PKD1: variants seen among roughly 807,000 people sequenced by gnomAD.
The protein encoded by PKD1 is polycystin 1, transient receptor potential channel interacting, also known as polycystin-1.
A neutral mutation model predicts 361.7 loss-of-function variants in PKD1; 81 were observed. The observed-to-expected ratio is 0.22, with a 90% confidence interval of 0.19 to 0.27. The LOEUF (loss-of-function observed/expected upper bound fraction) is 0.27, where lower values mean the gene tolerates loss of function less well. PKD1 is among the 10% of genes least tolerant of loss of function. PKD1 has a pLI of 1.00. For synonymous variants in PKD1, 3,615 were observed against 2,818.3 expected (o/e 1.28, Z -8.95); for missense variants, 6,399 against 6,118.3 (o/e 1.05, Z -1.53).
chr16:2,099,413 G>A lies in PKD1; in HGVS notation c.10050+231C>T, dbSNP rs1256468544. The A allele has an allele frequency of 1.1e-5, 7 of 616,752 alleles. No individual in the cohort carries two copies. The Admixed American group carries it at 1.6e-4, about 14-fold the overall frequency. 38.2% of individuals were successfully genotyped at this position (616,752 alleles called of 1,614,324 possible). Reference sequence around the variant, plus strand: ...GGCGTGCTGCTGTGCAGTCGTCCGTGGCGTCTGCTTAGCAAAGTGCCCTCG... The same window carrying A: ...GGCGTGCTGCTGTGCAGTCGTCCGTAGCGTCTGCTTAGCAAAGTGCCCTCG... On this transcript the variant is annotated intron_variant, in intron 30 of 45. Coordinates refer to ENST00000262304, the MANE Select transcript of PKD1 (RefSeq NM_001009944.3).
rs1023860765 is a variant in PKD1, at chr16:2,093,484, G to C, written c.11016+60C>G. 3.3e-5 allele frequency: 48 copies of C among 1,459,776 alleles called. No individual in the cohort carries two copies. The African/African-American group carries it at 6.9e-4, about 21-fold the overall frequency. The allele number at this position is 1,459,776 out of a possible 1,614,324, so 90.4% of individuals were successfully genotyped here. On this transcript the variant is annotated intron_variant, in intron 37 of 45. Transcript: ENST00000262304. Reference sequence around the variant, plus strand: ...GGGACAGGAGTGTCCTGCGTGCATGGGTGGGAGGTGGGAGACAAGAGACGG... The same window carrying C: ...GGGACAGGAGTGTCCTGCGTGCATGCGTGGGAGGTGGGAGACAAGAGACGG...
Position 2,114,213 on chromosome 16 carries a change from G to A in PKD1, c.2810C>T (p.Ala937Val), listed in dbSNP as rs2092590171. 2 of 1,609,650 alleles carry A rather than the reference G, an allele frequency of 1.2e-6. No homozygotes were observed. Among genetic ancestry groups the A allele is most frequent in the East Asian group, 4.5e-5 (2 of 44,872 alleles). ...TACACGGGCCTCGGGGCTGGGCGTG[G>A]CGCGGAGGCCACAGATGGGCTCCTC... ...TAEEPICGLR[A>V]TPSPEARVLQ... The change falls in exon 11 of 46, where the codon GCC becomes GTC. Residue 937 changes from alanine to valine, a missense_variant. Physicochemically the swap from Ala to Val is moderately conservative, Grantham distance 64. Coordinates refer to ENST00000262304, the MANE Select transcript of PKD1 (RefSeq NM_001009944.3).
At position 2,110,907 on chromosome 16, in the gene PKD1, T is replaced by C; in HGVS notation, c.4260A>G (p.Glu1420=). ...GGCCCCTGGCACGGGTGGGGGCGGC[T>C]TCCTCGGTGCCAAAGTCCCAGGTGT... is the stretch of plus-strand genomic sequence containing the variant. ...YRYTWDFGTE[E]AAPTRARGPE... is the part of the protein sequence containing the mutation. The change falls in exon 15 of 46, where the codon GAA becomes GAG. Residue 1420 remains glutamate (E), a synonymous_variant. Coordinates refer to ENST00000262304, the MANE Select transcript of PKD1 (RefSeq NM_001009944.3). 1 of 1,611,298 alleles carries C rather than the reference T, an allele frequency of 6.2e-7. No individual in the cohort carries two copies. Among genetic ancestry groups the C allele is most frequent in the Non-Finnish European group, 8.5e-7 (1 of 1,179,832 alleles).
intron 34 of PKD1, among the ~76,000 whole-genome samples, chr16:2,096,517 G>A (rs1468064144): frequency 6.6e-6 from 1 of 151,484 alleles, no homozygotes; most frequent in African/African-American, 2.4e-5. Context: ...AGAAATTGAG[G>A]AATTTTTTTG....
intron 20 of PKD1, 135 bp from the exon 21 acceptor site, chr16:2,105,609 G>C: frequency 2.5e-6 from 4 of 1,575,744 alleles, no homozygotes; most frequent in Non-Finnish European, 3.4e-6. Flanking sequence ...ACAACACTGA[G>C]CTGTTTCTTC....
intron 6 of PKD1, 141 bp downstream of exon 6, chr16:2,117,348 C>CCCCACCGG (rs2092655141): frequency 1.5e-6 from 1 of 646,424 alleles, no homozygotes; most frequent in Admixed American, 2.9e-5. Context: ...ACAGGAACGG[C>CCCCACCGG]CCCACCGGCC....
rs754412728 is a variant in PKD1 at position 2,118,030 on chromosome 16, G to A, written c.962C>T (p.Ala321Val). The change falls in exon 5 of 46, where the codon GCC becomes GTC. Residue 321 changes from alanine to valine, a missense_variant. Ala to Val is a moderately conservative substitution (Grantham distance 64, BLOSUM62 0). Transcript: ENST00000262304. This position sits in a 1 kb window ranked among gnomAD's most constrained non-coding sequence, Gnocchi z 6.0. ...SAEVDAAGPA[A>V]SHRYVLPGRY... ...CCCAGGCAGCACATAGCGATGCGAG[G>A]CAGCCGGCCCAGCGGCATCCACCTC... The A allele has an allele frequency of 5.0e-6, 8 of 1,599,806 alleles. No homozygotes were observed. In the Admixed American group the frequency reaches 1.3e-4, roughly 27 times the overall value.
At position 2,102,225 on chromosome 16, in the gene PKD1, A is replaced by G. The variant is rs879544330; in HGVS notation, c.9233T>C (p.Met3078Thr). 1.6e-5 allele frequency: 25 copies of G among 1,527,712 alleles called. No homozygotes were observed. The highest frequency in any genetic ancestry group is 2.2e-5 in the Non-Finnish European group (24 of 1,109,946). 94.6% of individuals were successfully genotyped at this position (1,527,712 alleles called of 1,614,324 possible). ...EPTADVNYIV[M>T]LTCAVCLVTY... ...CACCAGGCACACAGCACATGTCAGC[A>G]TGACGATGTAGTTTACATCCGCTGT... is the stretch of plus-strand genomic sequence containing the variant. The change falls in exon 26 of 46, where the codon ATG becomes ACG. Residue 3078 changes from methionine (M) to threonine (T), a missense_variant. By Grantham distance (81) the Met-to-Thr change is moderately conservative. Transcript: ENST00000262304.
intron 34 of PKD1, among the ~76,000 whole-genome samples, chr16:2,095,713 G>C (rs1042331404): frequency 6.6e-6 from 1 of 152,268 alleles, no homozygotes; most frequent in African/African-American, 2.4e-5. Context: ...TGGTCAGCCC[G>C]AAGCACTGTC....
chr16:2,115,424 C>T lies in PKD1; in HGVS notation c.2051G>A (p.Arg684Lys), dbSNP rs563459215. The change falls in exon 10 of 46, where the codon AGA becomes AAA. Residue 684 changes from arginine (R) to lysine (K), a missense_variant. Physicochemically the swap from Arg to Lys is conservative, Grantham distance 26. Transcript: ENST00000262304. Reference sequence around the variant, plus strand: ...CGCGGGAACGGAGAAGAGGAACTCTCTCCATAGCGCATAGGGGGCCCCGGG... The same window carrying T: ...CGCGGGAACGGAGAAGAGGAACTCTTTCCATAGCGCATAGGGGGCCCCGGG... ...GLPGAPYALW[R>K]EFLFSVPAGP... 2.5e-6 allele frequency: 4 copies of T among 1,584,604 alleles called. No individual in the cohort carries two copies. The highest frequency in any genetic ancestry group is 2.3e-5 in the East Asian group (1 of 43,422).
In PKD1 at chr16:2,109,377, C is replaced by T. The variant is rs2092443682; in HGVS notation, c.5790G>A (p.Val1930=). ...TGTGGGAGAAACGGGGCCCGGGGAG[C>T]ACCTCGGGGTTGGCCCCGCCGACCT... ...RLQVGGANPE[V]LPGPRFSHSF... Residue 1930 remains valine (V), a synonymous_variant, in exon 15 of 46, where the codon GTG becomes GTA. Transcript: ENST00000262304. 6.3e-7 allele frequency: 1 copy of T among 1,593,930 alleles called. No individual in the cohort carries two copies.
rs555703777 is a variant in PKD1, at chr16:2,093,103, G to C, written c.11017-10C>G. The C allele has an allele frequency of 4.3e-6, 7 of 1,610,450 alleles. No homozygotes were observed. Among genetic ancestry groups the C allele is most frequent in the African/African-American group, 4.0e-5 (3 of 74,980 alleles). ...TGTACACCAGGAGGCTCTGGTGGAC[G>C]GGGGGGCCCTGTGGTCAGCCTGGCC... On this transcript the variant is annotated splice_polypyrimidine_tract_variant and intron_variant, in intron 37 of 45. Transcript: ENST00000262304.
Position 2,115,393 on chromosome 16 carries a change from G to A in PKD1, c.2082C>T (p.Pro694=), listed in dbSNP as rs776280114. Residue 694 remains proline (P), a synonymous_variant, in exon 10 of 46, where the codon CCC becomes CCT. Transcript: ENST00000262304. ...REFLFSVPAG[P]PAQYSVTLHG... ...GGCCACACACCGAGTACTGCGCGGG[G>A]GGCCCCGCGGGAACGGAGAAGAGGA... The A allele has an allele frequency of 2.6e-5, 40 of 1,558,168 alleles. No individual in the cohort carries two copies. In the East Asian group the frequency reaches 9.2e-4, roughly 36 times the overall value.
chr16:2,096,430 A>ATGTGCG (rs1467847640), intron 34 of PKD1, among the ~76,000 whole-genome samples: 1 of 152,244 alleles, frequency 6.6e-6, no homozygotes, highest in Non-Finnish European at 1.5e-5. Flanking sequence ...GCCGGCTGCC[A>ATGTGCG]TGTGCGTGAC....
rs758353625 is a variant in PKD1, at chr16:2,097,482, G to A, written c.10242C>T (p.Gly3414=). ...GGTCCGGCCAACTGAGCGTTCCCTC[G>A]CCGGAGGGCCAGCACACCAGACTGC... ...DSKSLVCWPS[G]EGTLSWPDLL... Residue 3414 remains glycine (G), a synonymous_variant, in exon 33 of 46, where the codon GGC becomes GGT. Transcript: ENST00000262304. 7.5e-6 allele frequency: 12 copies of A among 1,602,152 alleles called. No homozygotes were observed. Among genetic ancestry groups the A allele is most frequent in the African/African-American group, 4.0e-5 (3 of 74,884 alleles).
At position 2,115,296 on chromosome 16, in the gene PKD1, T is replaced by G. The variant is rs931782552; in HGVS notation, c.2097+82A>C. The G allele has an allele frequency of 4.4e-6, 6 of 1,368,390 alleles. No homozygotes were observed. In the East Asian group the frequency reaches 1.0e-4, roughly 23 times the overall value. 84.8% of individuals were successfully genotyped at this position (1,368,390 alleles called of 1,614,324 possible). A position where few individuals can be genotyped will look rare whatever the true frequency, so the allele number is the denominator to read the frequency against. On this transcript the variant is annotated intron_variant, in intron 10 of 45. Transcript: ENST00000262304. The stretch of plus-strand genomic sequence containing the variant: ...GGGCCTGCAGGCTGGGTGTGTCTGG[T>G]GCACAGACCCAGACCCTGGGCAGCA...
In PKD1 at chr16:2,109,971, G is replaced by C. The variant is rs2092457256; in HGVS notation, c.5196C>G (p.Val1732=). The change falls in exon 15 of 46, where the codon GTC becomes GTG. Residue 1732 remains valine, a synonymous_variant. Transcript: ENST00000262304. Reference sequence around the variant, plus strand: ...CGGCACTGAGGGTGACGCTTGTGTTGACGGCAGCTGGGTTCGGGGAGGCGG... The same window carrying C: ...CGGCACTGAGGGTGACGCTTGTGTTCACGGCAGCTGGGTTCGGGGAGGCGG... ...MVAASPNPAA[V]NTSVTLSAEL... 5 of 1,610,000 alleles carry C rather than the reference G, an allele frequency of 3.1e-6. No homozygotes were observed. Among genetic ancestry groups the C allele is most frequent in the Non-Finnish European group, 4.2e-6 (5 of 1,179,430 alleles).
chr16:2,096,264 G>C (rs931618847), intron 34 of PKD1, among the ~76,000 whole-genome samples: 1 of 152,248 alleles, frequency 6.6e-6, no homozygotes, highest in Non-Finnish European at 1.5e-5. Flanking sequence ...TGTGGCTCCG[G>C]GGCACCGCAC....
rs375739091 is a variant in PKD1 at position 2,106,584 on chromosome 16, G to A, written c.7303C>T (p.Arg2435Trp). ...GSAGMRLVLR[R>W]GVLRDGEGYT... ...CCCTCGCCGTCCCGCAGCACGCCCCGCCGCAGCACCAGTCGCATGCCTGCA... is the reference window on the plus strand; with the variant it reads ...CCCTCGCCGTCCCGCAGCACGCCCCACCGCAGCACCAGTCGCATGCCTGCA... The change falls in exon 18 of 46, where the codon CGG (arginine) becomes TGG (tryptophan). Residue 2435 changes from arginine (R) to tryptophan (W), a missense_variant. Arg to Trp is a moderately radical substitution (Grantham distance 101). Transcript: ENST00000262304. The surrounding 1 kb of genome is among the most constrained non-coding windows in gnomAD (Gnocchi z 6.5). 11 of 1,597,404 alleles carry A rather than the reference G, an allele frequency of 6.9e-6. No individual in the cohort carries two copies. Among genetic ancestry groups the A allele is most frequent in the East Asian group, 4.5e-5 (2 of 44,804 alleles).
Sources: allele counts gnomAD v4.1 joint callset (sites outside exome capture counted in the v4.1 genomes callset), GRCh38; gene constraint gnomAD v4.1.1; non-coding constraint Gnocchi (gnomAD v3.1); transcripts MANE v1.5; gene names NCBI Gene and HGNC (gene_info 2026-07-23, HGNC 2026-07-21).